The following ERI1 variants were observed in gnomAD, a reference collection of about 807,000 sequenced individuals.
ERI1 encodes 3'-5' exoribonuclease 1.
In ERI1, 39 loss-of-function variants were observed where a neutral mutation model predicts 39.7. The ratio of observed to expected loss-of-function variants is 0.98; its 90% confidence interval spans 0.76 to 1.28. The LOEUF (loss-of-function observed/expected upper bound fraction) is 1.28. Among genes scored for constraint, ERI1 ranks in the 50% most tolerant of loss-of-function variants. The probability of loss-of-function intolerance (pLI) is 0.00; values close to 1 mark genes in which losing one functional copy is unlikely to be tolerated. For synonymous variants in ERI1, 204 were observed against 149.6 expected (o/e 1.36, Z -2.65); for missense variants, 581 against 416.9 (o/e 1.39, Z -3.43).
At chr8:9,062,282 G>A (rs558006315) in intron 3 of ERI1, among the ~76,000 whole-genome samples, 1 of 152,072 alleles carries the variant, frequency 6.6e-6, no homozygotes, top group Admixed American at 6.5e-5. Context: ...TATACTTGTG[G>A]GTTAAGGTGC....
intron 3 of ERI1, among the ~76,000 whole-genome samples, chr8:9,084,502 T>G (rs1463056606): frequency 1.3e-5 from 2 of 152,116 alleles, no homozygotes; most frequent in African/African-American, 4.8e-5. Context: ...ATCCCCAAAT[T>G]TGCATTTTCC....
rs539700215 is a variant in ERI1, at chr8:9,051,455, G to A, written n.299+30991G>A. ...GCAGATCCCTTGAGGTCAGGAGTTCGAGAACAGCCTGGCCAACATGGTGAA... is the reference window on the plus strand; with the variant it reads ...GCAGATCCCTTGAGGTCAGGAGTTCAAGAACAGCCTGGCCAACATGGTGAA... On this transcript the variant is annotated intron_variant and non_coding_transcript_variant, in intron 3 of 3. Coordinates refer to the ERI1 transcript ENST00000518663. Among the ~76,000 whole-genome samples the A allele has an allele frequency of 1.2e-4, 18 of 152,144 alleles. No homozygotes were observed. In the South Asian group the frequency reaches 1.2e-3, roughly 11 times the overall value.
intron 3 of ERI1, among the ~76,000 whole-genome samples, chr8:9,090,104 A>G (rs982975925): frequency 6.6e-6 from 1 of 152,178 alleles, no homozygotes; most frequent in African/African-American, 2.4e-5. Flanking sequence ...AGACACAGAC[A>G]GGCACCAAGA....
intron 3 of ERI1, among the ~76,000 whole-genome samples, chr8:9,078,572 T>C (rs1799276443): frequency 6.6e-6 from 1 of 152,082 alleles, no homozygotes; most frequent in Non-Finnish European, 1.5e-5. Context: ...ATGACAGAGA[T>C]TTTCAAATTC....
At chr8:9,057,133 G>GT (rs1389147264) in intron 3 of ERI1, among the ~76,000 whole-genome samples, 2 of 151,194 alleles carry the variant, frequency 1.3e-5, no homozygotes, top group Non-Finnish European at 2.9e-5. Context: ...ACACCGGCCT[G>GT]TTTTTTTGTT....
At chr8:9,080,938 T>C (rs371122753) in intron 3 of ERI1, among the ~76,000 whole-genome samples, 2 of 152,366 alleles carry the variant, frequency 1.3e-5, no homozygotes, top group Non-Finnish European at 1.5e-5. Flanking sequence ...TAGTCCAGTC[T>C]CACACTGCTA....
chr8:9,044,596 A>G (rs528268204), intron 3 of ERI1, among the ~76,000 whole-genome samples: 2 of 152,248 alleles, frequency 1.3e-5, no homozygotes, highest in South Asian at 4.1e-4. Flanking sequence ...GCAAAGCTTA[A>G]TGGACTAGGG....
intron 3 of ERI1, among the ~76,000 whole-genome samples, chr8:9,073,187 T>C (rs893567436): frequency 1.3e-5 from 2 of 152,266 alleles, no homozygotes; most frequent in African/African-American, 4.8e-5. Context: ...GCTTTGTCCT[T>C]GATTTTGGAA....
intron 3 of ERI1, among the ~76,000 whole-genome samples, chr8:9,044,226 C>T (rs150836100): frequency 1.4e-4 from 21 of 152,274 alleles, no homozygotes; most frequent in African/African-American, 4.1e-4. Context: ...CATCATGGTG[C>T]GAAAGGATGT....
intron 3 of ERI1, among the ~76,000 whole-genome samples, chr8:9,059,273 CAG>C (rs949846736): frequency 6.6e-6 from 1 of 152,154 alleles, no homozygotes; most frequent in African/African-American, 2.4e-5. Context: ...ATGCAGGTCA[CAG>C]GGGATATGAT....
intron 3 of ERI1, among the ~76,000 whole-genome samples, chr8:9,041,069 C>T (rs984987545): frequency 6.6e-6 from 1 of 152,190 alleles, no homozygotes; most frequent in African/African-American, 2.4e-5. Context: ...AGTGTTTCAG[C>T]GATTACGCTG....
At chr8:9,090,795 A>G (rs962334409) in intron 3 of ERI1, among the ~76,000 whole-genome samples, 4 of 152,216 alleles carry the variant, frequency 2.6e-5, no homozygotes, top group African/African-American at 4.8e-5. Context: ...ACAACACAAT[A>G]AAACAATGAA....
At chr8:9,019,393 G>C (rs569868175) in intron 5 of ERI1, among the ~76,000 whole-genome samples, 1 of 152,278 alleles carries the variant, frequency 6.6e-6, no homozygotes, top group South Asian at 2.1e-4. Flanking sequence ...AATGTTTATG[G>C]ACCTCTTTAG....
At chr8:9,057,698 TAAATTA>T (rs1798553884) in intron 3 of ERI1, among the ~76,000 whole-genome samples, 2 of 117,896 alleles carry the variant, frequency 1.7e-5, no homozygotes, top group Non-Finnish European at 3.8e-5. Flanking sequence ...TGTTGTCAAA[TAAATTA>T]AAAGATGTTC....
intron 3 of ERI1, among the ~76,000 whole-genome samples, chr8:9,059,102 G>A (rs1798606478): frequency 6.6e-6 from 1 of 152,056 alleles, no homozygotes; most frequent in South Asian, 2.1e-4. Context: ...CAGGAGTGGG[G>A]GTCATAAGGT....
At chr8:9,054,732 C>CT (rs1798454924) in intron 3 of ERI1, among the ~76,000 whole-genome samples, 1 of 152,248 alleles carries the variant, frequency 6.6e-6, no homozygotes, top group Admixed American at 6.5e-5. Context: ...TGAGATCAGG[C>CT]TGGCCAACAT....
intron 6 of ERI1, among the ~76,000 whole-genome samples, chr8:9,025,398 T>G (rs142091768): frequency 6.6e-6 from 1 of 152,384 alleles, no homozygotes; most frequent in African/African-American, 2.4e-5. Context: ...CAGCTTCTTA[T>G]AGGGACTTGT....
chr8:9,019,022 C>G (rs562933041), intron 5 of ERI1, among the ~76,000 whole-genome samples: 2 of 152,116 alleles, frequency 1.3e-5, no homozygotes, highest in African/African-American at 4.8e-5. Context: ...ATACATAAGA[C>G]TTACTTTTGC....
intron 1 of ERI1, 102 bp downstream of exon 1, chr8:9,003,273 G>T (rs1321249853): frequency 1.6e-5 from 11 of 681,624 alleles, no homozygotes; most frequent in Non-Finnish European, 2.3e-5. Flanking sequence ...AGGTGCAGCT[G>T]TGCGCCCTTG....
Sources: gnomAD v4.1 joint callset for allele counts (sites outside exome capture counted in the v4.1 genomes callset) on GRCh38, gnomAD v4.1.1 for gene constraint, MANE v1.5 for transcripts, NCBI Gene and HGNC (gene_info 2026-07-23, HGNC 2026-07-21) for gene names.